The following CFAP44 variants were observed in gnomAD, a reference collection of about 807,000 sequenced individuals.
The protein encoded by CFAP44 is cilia- and flagella-associated protein 44.
CFAP44 carries 134 observed loss-of-function variants against 216.2 expected under a neutral mutation model. That is an observed-to-expected ratio of 0.62 (90% CI 0.54 to 0.72). The LOEUF is 0.72. Among genes scored for constraint, CFAP44 ranks in the 30% least tolerant of loss-of-function variants. CFAP44 has a pLI of 0.00. For missense variants in CFAP44, 2,035 were observed against 2,182.1 expected, an observed-to-expected ratio of 0.93 and a Z score of 1.34; for synonymous variants, 700 against 727.6, an observed-to-expected ratio of 0.96 and a Z score of 0.61.
At chr3:113,418,818 C>A (rs2107390649) in intron 5 of CFAP44, among the ~76,000 whole-genome samples, 1 of 152,176 alleles carries the variant, frequency 6.6e-6, no homozygotes, top group East Asian at 1.9e-4. Context: ...TGGTTCTCTG[C>A]CTCAGGCTCC....
At chr3:113,365,063 T>C (rs1950575242) in intron 19 of CFAP44, among the ~76,000 whole-genome samples, 1 of 152,158 alleles carries the variant, frequency 6.6e-6, no homozygotes, top group South Asian at 2.1e-4. Context: ...AGGAGGGATA[T>C]TGACTGCAGC....
intron 30 of CFAP44, 141 bp downstream of exon 30, chr3:113,306,060 G>T: frequency 4.8e-6 from 5 of 1,035,076 alleles, no homozygotes; most frequent in South Asian, 2.0e-5. Flanking sequence ...ACAATTTAGG[G>T]AGAAAAAAAC....
intron 24 of CFAP44, among the ~76,000 whole-genome samples, chr3:113,335,816 G>A (rs753901272): frequency 3.5e-4 from 53 of 152,294 alleles, no homozygotes; most frequent in Non-Finnish European, 6.9e-4. Flanking sequence ...GAATTTTTAC[G>A]TAGATAGACT....
At chr3:113,318,043 C>T (rs1175324612) in intron 28 of CFAP44, among the ~76,000 whole-genome samples, 1 of 151,460 alleles carries the variant, frequency 6.6e-6, no homozygotes, top group African/African-American at 2.4e-5. Flanking sequence ...CTGGCCACTA[C>T]TGGTTTTTTT....
Position 113,399,901 on chromosome 3 carries a change from C to T in CFAP44, c.1569+5G>A. On this transcript the variant is annotated splice_donor_5th_base_variant and intron_variant, in intron 13 of 34. Coordinates refer to ENST00000393845, the MANE Select transcript of CFAP44 (RefSeq NM_001164496.2). ...TCTGGTAGTTCATTATAACAACAAACTTACCATTCGGGGTACCCAAACAAG... is the reference window on the plus strand; with the variant it reads ...TCTGGTAGTTCATTATAACAACAAATTTACCATTCGGGGTACCCAAACAAG... The T allele has an allele frequency of 1.9e-6, 3 of 1,570,658 alleles. No homozygotes were observed. Among genetic ancestry groups the T allele is most frequent in the Non-Finnish European group, 2.6e-6 (3 of 1,161,664 alleles).
chr3:113,439,394 A>G (rs1304953809), intron 1 of CFAP44, among the ~76,000 whole-genome samples: 1 of 152,214 alleles, frequency 6.6e-6, no homozygotes, highest in African/African-American at 2.4e-5. Context: ...ATAAAAAAAA[A>G]TACTTCTACA....
intron 17 of CFAP44, among the ~76,000 whole-genome samples, chr3:113,378,682 A>G (rs1211193173): frequency 6.6e-6 from 1 of 152,218 alleles, no homozygotes; most frequent in Non-Finnish European, 1.5e-5. Context: ...TCAAGCAAAT[A>G]GTAAAAAATG....
At chr3:113,409,729 G>C (rs1249260683) in intron 6 of CFAP44, among the ~76,000 whole-genome samples, 1 of 152,162 alleles carries the variant, frequency 6.6e-6, no homozygotes, top group Non-Finnish European at 1.5e-5. Context: ...AGATCAGATA[G>C]GTGGTTGGCA....
intron 32 of CFAP44, among the ~76,000 whole-genome samples, chr3:113,298,430 A>G (rs140606553): frequency 3.9e-5 from 6 of 152,340 alleles, no homozygotes; most frequent in Admixed American, 6.5e-5. Flanking sequence ...AGCTAACTGC[A>G]GTGTTATTCA....
chr3:113,413,013 C>T (rs1559941149), intron 6 of CFAP44, among the ~76,000 whole-genome samples: 1 of 152,164 alleles, frequency 6.6e-6, no homozygotes, highest in African/African-American at 2.4e-5. Flanking sequence ...ATTCCTATTT[C>T]TCCAGAGCCT....
In CFAP44 at chr3:113,327,809, A is replaced by T. The variant is rs1576549834; in HGVS notation, c.4127T>A (p.Leu1376Gln). ...QQYLVNRIKE[L>Q]VVTFDAELRL... ...GAGTTCTGCATCGAAAGTGACAACCAGTTCTTTGATCTGAGATGGAAAAAA... is the reference window on the plus strand; with the variant it reads ...GAGTTCTGCATCGAAAGTGACAACCTGTTCTTTGATCTGAGATGGAAAAAA... The change falls in exon 27 of 35, where the codon CTG (leucine) becomes CAG (glutamine). Residue 1376 changes from leucine (L) to glutamine (Q), a missense_variant. Physicochemically the swap from Leu to Gln is moderately radical, Grantham distance 113. This residue lies in a region of CFAP44 where 1,883 missense variants were observed against 2,023.7 expected (regional missense o/e 0.93). Coordinates refer to ENST00000393845, the MANE Select transcript of CFAP44 (RefSeq NM_001164496.2). 6.5e-7 allele frequency: 1 copy of T among 1,536,684 alleles called. No individual in the cohort carries two copies. Among genetic ancestry groups the T allele is most frequent in the South Asian group, 1.2e-5 (1 of 83,984 alleles).
chr3:113,404,031 G>C lies in CFAP44; in HGVS notation c.1006-15C>G, dbSNP rs1934210718. On this transcript the variant is annotated splice_polypyrimidine_tract_variant and intron_variant, in intron 8 of 34. Transcript: ENST00000393845. ...CCTGAGAGCACCTGGCAGGTATGTG[G>C]AAAAAAGAAATGTGCATTAAAACAG... The C allele has an allele frequency of 6.2e-7, 1 of 1,603,944 alleles. No homozygotes were observed. The highest frequency in any genetic ancestry group is 2.2e-5 in the East Asian group (1 of 44,636).
chr3:113,314,952 A>C (rs1371726276), intron 28 of CFAP44, among the ~76,000 whole-genome samples: 10 of 152,176 alleles, frequency 6.6e-5, no homozygotes, highest in Non-Finnish European at 8.8e-5. Context: ...ATTCAAAAAC[A>C]CTACAAAAAA....
At chr3:113,333,345 C>A (rs1283281290) in intron 25 of CFAP44, 61 bp downstream of exon 25, 3 of 1,430,664 alleles carry the variant, frequency 2.1e-6, no homozygotes, top group African/African-American at 1.4e-5. Context: ...GTGGTTTTAG[C>A]AGAATTTAAT....
Position 113,373,545 on chromosome 3 carries a change from A to G in CFAP44, c.2310T>C (p.Asp770=), listed in dbSNP as rs748081341. ...ACTCACAGTGATATAGAAAACCAGA[A>G]TCATAGCCACCCTAGAAAAGAGATA... ...GKFWVSLGGY[D]SGFLYHCEFP... Residue 770 remains aspartate (D), a synonymous_variant, in exon 18 of 35, where the codon GAT becomes GAC. Coordinates refer to ENST00000393845, the MANE Select transcript of CFAP44 (RefSeq NM_001164496.2). The G allele has an allele frequency of 2.5e-6, 4 of 1,589,930 alleles. No individual in the cohort carries two copies. The highest frequency in any genetic ancestry group is 3.4e-6 in the Non-Finnish European group (4 of 1,167,536).
intron 7 of CFAP44, among the ~76,000 whole-genome samples, chr3:113,408,881 A>AG (rs540235827): frequency 0.16 from 23,196 of 143,068 alleles, 2,658 homozygotes; most frequent in East Asian, 0.41. Flanking sequence ...AAAAAAAAAA[A>AG]AGCCCTTATT....
intron 28 of CFAP44, among the ~76,000 whole-genome samples, chr3:113,315,360 G>A (rs1950076767): frequency 6.6e-6 from 1 of 152,072 alleles, no homozygotes; most frequent in Admixed American, 6.5e-5. Context: ...TGACAAAAAT[G>A]TCAATTTACC....
At chr3:113,411,539 G>A (rs1934472885) in intron 6 of CFAP44, among the ~76,000 whole-genome samples, 2 of 152,148 alleles carry the variant, frequency 1.3e-5, no homozygotes, top group Non-Finnish European at 2.9e-5. Flanking sequence ...TGCTGTTTTG[G>A]TTACTGTAGC....
chr3:113,293,197 C>T (rs999457876), intron 34 of CFAP44, among the ~76,000 whole-genome samples: 2 of 152,190 alleles, frequency 1.3e-5, no homozygotes, highest in African/African-American at 4.8e-5. Flanking sequence ...CTCACTTTCC[C>T]CTTCTCCTCA....
Sources: gnomAD v4.1 joint callset for allele counts (sites outside exome capture counted in the v4.1 genomes callset) on GRCh38, gnomAD v4.1.1 for gene constraint, gnomAD v4.1.1 regional missense constraint, MANE v1.5 for transcripts, NCBI Gene and HGNC (gene_info 2026-07-23, HGNC 2026-07-21) for gene names.